Variants in STAMBP observed in about 807,000 individuals in gnomAD.
STAMBP encodes STAM binding protein, also known as STAM-binding protein.
Under a neutral mutation model 50.7 loss-of-function variants are expected in STAMBP, and 31 were observed. The observed-to-expected ratio is 0.61, with a 90% CI of 0.46 to 0.83. The LOEUF (loss-of-function observed/expected upper bound fraction) is 0.83, where lower values mean the gene tolerates loss of function less well. Among genes scored for constraint, STAMBP ranks in the 40% least tolerant of loss-of-function variants. The pLI, the probability that STAMBP is intolerant of heterozygous loss-of-function variation, is 0.00. For missense variants in STAMBP, 472 were observed against 518.9 expected, an observed-to-expected ratio of 0.91 and a Z score of 0.88; for synonymous variants, 211 against 192.4, an observed-to-expected ratio of 1.10 and a Z score of -0.80.
chr2:73,844,185 A>C (rs555246870), intron 2 of STAMBP, among the ~76,000 whole-genome samples: 1 of 152,356 alleles, frequency 6.6e-6, no homozygotes, highest in South Asian at 2.1e-4. Flanking sequence ...CCAAAAGATG[A>C]AATCTAGCAT....
chr2:73,860,941 A>G (rs1034866874), intron 9 of STAMBP, among the ~76,000 whole-genome samples: 4 of 152,200 alleles, frequency 2.6e-5, no homozygotes, highest in Non-Finnish European at 5.9e-5. Context: ...GGGATTGGGT[A>G]TATTTCACGT....
At chr2:73,873,299 G>A (rs1679271547) in intron 10 of STAMBP, 1 of 152,250 alleles carries the variant, frequency 6.6e-6, no homozygotes, top group South Asian at 2.1e-4. Flanking sequence ...TGATGGCTGA[G>A]TAAGATATGA....
intron 2 of STAMBP, among the ~76,000 whole-genome samples, chr2:73,839,211 C>A (rs1054495502): frequency 6.6e-6 from 1 of 152,230 alleles, no homozygotes; most frequent in Admixed American, 6.5e-5. Flanking sequence ...ATATTTCCCC[C>A]CTCAGTAGCT....
At chr2:73,829,960 C>G (rs976458095) in intron 1 of STAMBP, among the ~76,000 whole-genome samples, 2 of 152,206 alleles carry the variant, frequency 1.3e-5, no homozygotes, top group Non-Finnish European at 2.9e-5. Flanking sequence ...TATTCTAGAG[C>G]ATACTGATTA....
In STAMBP at chr2:73,850,547, C is replaced by G. The variant is rs2104545474; in HGVS notation, c.1005+34C>G. 2 of 1,596,006 alleles carry G rather than the reference C, an allele frequency of 1.3e-6. No homozygotes were observed. Among genetic ancestry groups the G allele is most frequent in the Non-Finnish European group, 1.7e-6 (2 of 1,171,010 alleles). ...TTCTGAGCTGTCCGAGAGTTAGTCTCTGCCTCTCCCATGGTGGTATAAATA... is the reference window on the plus strand; with the variant it reads ...TTCTGAGCTGTCCGAGAGTTAGTCTGTGCCTCTCCCATGGTGGTATAAATA... On this transcript the variant is annotated intron_variant, in intron 7 of 9. Transcript: ENST00000394070. The surrounding 1 kb of genome is among the most constrained non-coding windows in gnomAD (Gnocchi z 4.3).
downstream of STAMBP, among the ~76,000 whole-genome samples, chr2:73,871,547 CAAAAA>C (rs547524111): frequency 1.1e-5 from 1 of 89,074 alleles, no homozygotes; most frequent in African/African-American, 4.0e-5. Context: ...GACTCCGTCT[CAAAAA>C]AAAAAAAAAA....
At position 73,845,190 on chromosome 2, in the gene STAMBP, C is replaced by T; in HGVS notation, c.303C>T (p.Pro101=). The change falls in exon 4 of 10, where the codon CCC becomes CCT. Residue 101 remains proline, a synonymous_variant. Coordinates refer to ENST00000394070, the MANE Select transcript of STAMBP (RefSeq NM_213622.4). ...AGAAATTAAAGGAGATTGCATTTCC[C>T]AAAGCAGAAGAGCTGAAGGCAGAGC... ...TVKKLKEIAF[P]KAEELKAELL... is the part of the protein sequence containing the mutation. 1 of 1,613,884 alleles carries T rather than the reference C, an allele frequency of 6.2e-7. No individual in the cohort carries two copies. The highest frequency in any genetic ancestry group is 1.3e-5 in the African/African-American group (1 of 74,980).
Position 73,850,982 on chromosome 2 carries a change from C to T in STAMBP, c.1005+469C>T, listed in dbSNP as rs1226693694. 6.6e-6 allele frequency among the ~76,000 whole-genome samples: 1 copy of T among 152,232 alleles called. No individual in the cohort carries two copies. The highest frequency in any genetic ancestry group is 1.5e-5 in the Non-Finnish European group (1 of 68,040). ...AAGGGCTATAAATACACATGATTTT[C>T]AAGTGTCTGCATATCTTGTGCAGCC... On this transcript the variant is annotated intron_variant, in intron 7 of 9. Coordinates refer to ENST00000394070, the MANE Select transcript of STAMBP (RefSeq NM_213622.4). The surrounding 1 kb of genome is among the most constrained non-coding windows in gnomAD (Gnocchi z 4.3).
intron 7 of STAMBP, chr2:73,855,696 G>A (rs1350122281): frequency 2.2e-6 from 1 of 456,102 alleles, no homozygotes; most frequent in Admixed American, 2.3e-5. Flanking sequence ...CCTGCACTGA[G>A]CTAACACGTT....
intron 7 of STAMBP, among the ~76,000 whole-genome samples, chr2:73,853,590 C>T (rs563405298): frequency 3.9e-5 from 6 of 152,238 alleles, no homozygotes; most frequent in East Asian, 1.9e-4. Context: ...GACATGGTGG[C>T]GCATGCCTGT....
chr2:73,860,221 C>A, intron 9 of STAMBP, 70 bp downstream of exon 9: 1 of 1,314,174 alleles, frequency 7.6e-7, no homozygotes, highest in Non-Finnish European at 1.1e-6. Flanking sequence ...TGATGAAATG[C>A]ATCATCCTTT....
intron 5 of STAMBP, among the ~76,000 whole-genome samples, chr2:73,848,391 C>A (rs1380436730): frequency 1.3e-5 from 2 of 152,134 alleles, no homozygotes; most frequent in African/African-American, 4.8e-5. Context: ...AAGTAAATAA[C>A]TGCCCAGATT....
intron 4 of STAMBP, among the ~76,000 whole-genome samples, chr2:73,846,752 G>C (rs1427513393): frequency 6.6e-6 from 1 of 152,138 alleles, no homozygotes; most frequent in Admixed American, 6.5e-5. Flanking sequence ...AAAACTGTCT[G>C]TGATACAGGT....
At chr2:73,851,307 G>A (rs184880038) in intron 7 of STAMBP, among the ~76,000 whole-genome samples, 80 of 152,278 alleles carry the variant, frequency 5.3e-4, no homozygotes, top group African/African-American at 1.9e-3. Flanking sequence ...TAGTAGATGG[G>A]GGAGAGAAAA....
At chr2:73,857,227 T>C (rs1167126872) in intron 7 of STAMBP, among the ~76,000 whole-genome samples, 1 of 152,196 alleles carries the variant, frequency 6.6e-6, no homozygotes, top group East Asian at 1.9e-4. Context: ...ACCTGTTTAA[T>C]GGCCCGATGT....
At chr2:73,862,139 G>GA (rs371779071) in intron 9 of STAMBP, 64 bp from the exon 10 acceptor site, 175,867 of 1,156,546 alleles carry the variant, frequency 0.15, 226 homozygotes, top group South Asian at 0.17. Context: ...CCTATATGAA[G>GA]AAAAAAAAAA....
intron 9 of STAMBP, among the ~76,000 whole-genome samples, chr2:73,861,658 A>ACAGGTG (rs1395732368): frequency 2.7e-5 from 4 of 149,784 alleles, no homozygotes; most frequent in Non-Finnish European, 4.4e-5. Flanking sequence ...AGCTGGGACT[A>ACAGGTG]CAGGTGCGCG....
chr2:73,858,775 C>G (rs1677910035), intron 7 of STAMBP, among the ~76,000 whole-genome samples: 2 of 152,192 alleles, frequency 1.3e-5, no homozygotes, highest in African/African-American at 4.8e-5. Flanking sequence ...TCAGGTGGAC[C>G]TCTCATGGTT....
At chr2:73,852,957 TTTTTA>T (rs1677053433) in intron 7 of STAMBP, among the ~76,000 whole-genome samples, 1 of 150,084 alleles carries the variant, frequency 6.7e-6, no homozygotes, top group Non-Finnish European at 1.5e-5. Flanking sequence ...TGTGTGTGTA[TTTTTA>T]GTAGAGACTG....
Sources: gnomAD v4.1 joint callset for allele counts (sites outside exome capture counted in the v4.1 genomes callset) on GRCh38, gnomAD v4.1.1 for gene constraint, Gnocchi (gnomAD v3.1) non-coding constraint, MANE v1.5 for transcripts, NCBI Gene and HGNC (gene_info 2026-07-23, HGNC 2026-07-21) for gene names.